The following TET2 variants were observed in gnomAD, a reference collection of about 807,000 sequenced individuals.
The protein encoded by TET2 is tet methylcytosine dioxygenase 2.
Under a neutral mutation model 142.9 loss-of-function variants are expected in TET2, and 299 were observed. That is an observed-to-expected ratio of 2.09 (90% CI 1.90 to 2.30). The LOEUF (loss-of-function observed/expected upper bound fraction) is 2.30, where lower values mean the gene tolerates loss of function less well. TET2 is among the 30% of genes most tolerant of loss of function. TET2 has a pLI of 0.00. For missense variants in TET2, 2,418 were observed against 2,378.0 expected (o/e 1.02, Z -0.35); for synonymous variants, 819 against 849.0 (o/e 0.96, Z 0.61).
chr4:105,271,473 G>A (rs1013906356), intron 9 of TET2, among the ~76,000 whole-genome samples: 4 of 152,154 alleles, frequency 2.6e-5, no homozygotes, highest in African/African-American at 4.8e-5. Flanking sequence ...TAGAGCATGG[G>A]TTCTGTGAAG....
In TET2 at chr4:105,235,565, G is replaced by T. The variant is rs778195625; in HGVS notation, c.1623G>T (p.Leu541=). ...QLMRNKEQEI[L]KGRDKEQTRD... is the part of the protein sequence containing the mutation. ...TGAGAAACAAAGAGCAAGAGATTCT[G>T]AAGGGTCGAGACAAGGAGCAAACAC... The change falls in exon 3 of 11, where the codon CTG becomes CTT. Residue 541 remains leucine (L), a synonymous_variant. Transcript: ENST00000380013. 1 of 1,614,158 alleles carries T rather than the reference G, an allele frequency of 6.2e-7. No homozygotes were observed. Among genetic ancestry groups the T allele is most frequent in the Non-Finnish European group, 8.5e-7 (1 of 1,180,022 alleles).
In TET2 at chr4:105,276,052, TCAGACAGCGAG is replaced by T; in HGVS notation, c.5547_5557del (p.Asp1849GlufsTer6). On this transcript the variant is annotated frameshift_variant, in exon 11 of 11. Transcript: ENST00000380013. LOFTEE classifies it high-confidence loss of function. ...TGCAGAGGACAACGATGAGGTCTGGTCAGACAGCGAGCAGAGCTTTCTGGATCCTGACATTG... is the reference window on the plus strand; with the variant it reads ...TGCAGAGGACAACGATGAGGTCTGGTCAGAGCTTTCTGGATCCTGACATTG... The T allele has an allele frequency of 6.4e-7, 1 of 1,551,696 alleles. No homozygotes were observed. Among genetic ancestry groups the T allele is most frequent in the Non-Finnish European group, 8.7e-7 (1 of 1,146,974 alleles).
chr4:105,216,023 CTT>C (rs1005288570), intron 2 of TET2, among the ~76,000 whole-genome samples: 1 of 152,170 alleles, frequency 6.6e-6, no homozygotes, highest in African/African-American at 2.4e-5. Context: ...TCCTTCTACT[CTT>C]TGTTCTCCCC....
Position 105,276,885 on chromosome 4 carries a change from A to G in TET2, c.*366A>G, listed in dbSNP as rs183972803. The stretch of plus-strand genomic sequence containing the variant: ...CTACACATCTGTGACCACTTTTAAT[A>G]ATATCAAGTTTGCATAGTCATGGAA... On this transcript the variant is annotated 3_prime_UTR_variant, in exon 11 of 11. Transcript: ENST00000380013. The G allele has an allele frequency of 5.2e-6, 1 of 192,700 alleles. No individual in the cohort carries two copies. The highest frequency in any genetic ancestry group is 6.2e-5 in the Admixed American group (1 of 16,148). The allele number at this position is 192,700 out of a possible 1,614,324, so 11.9% of individuals were successfully genotyped here. A position where few individuals can be genotyped will look rare whatever the true frequency, so the allele number is the denominator to read the frequency against.
rs1294967039 is a variant in TET2, at chr4:105,275,831, A to G, written c.5321A>G (p.Asn1774Ser). 5.2e-6 allele frequency: 8 copies of G among 1,551,712 alleles called. No individual in the cohort carries two copies. The highest frequency in any genetic ancestry group is 2.0e-5 in the Admixed American group (1 of 50,982). The change falls in exon 11 of 11, where the codon AAC (asparagine) becomes AGC (serine). Residue 1774 changes from asparagine to serine, a missense_variant. Physicochemically the swap from Asn to Ser is conservative, Grantham distance 46 (BLOSUM62 1). Transcript: ENST00000380013. ...HNYSAAPGMF[N>S]SSLHALHLQN... is the part of the protein sequence containing the mutation. ...TACAGTGCAGCTCCGGGCATGTTCA[A>G]CAGCTCTCTTCATGCCCTGCATCTC...
At chr4:105,207,952 ACAGTGAATTC>A (rs1238198033) in intron 2 of TET2, among the ~76,000 whole-genome samples, 1 of 152,176 alleles carries the variant, frequency 6.6e-6, no homozygotes, top group Non-Finnish European at 1.5e-5. Flanking sequence ...GGAGTGAAAG[ACAGTGAATTC>A]CATTTTGGAT....
rs534182742 is a variant in TET2 at position 105,234,665 on chromosome 4, G to A, written c.723G>A (p.Ala241=). 27 of 1,613,882 alleles carry A rather than the reference G, an allele frequency of 1.7e-5. No individual in the cohort carries two copies. Among genetic ancestry groups the A allele is most frequent in the African/African-American group, 5.3e-5 (4 of 74,878 alleles). ...SQYYPDCVSI[A]VQKTTSHINA... ...ATTATCCAGATTGTGTTTCCATTGC[G>A]GTGCAGAAAACCACATCTCACATAA... is the stretch of plus-strand genomic sequence containing the variant. Residue 241 remains alanine, a synonymous_variant, in exon 3 of 11, where the codon GCG becomes GCA. Transcript: ENST00000380013.
At chr4:105,242,017 C>A in intron 4 of TET2, 1 of 1,238,620 alleles carries the variant, frequency 8.1e-7, no homozygotes, top group Non-Finnish European at 1.0e-6. Context: ...CTCTTATGAG[C>A]GAGATAATGC....
In TET2 at chr4:105,275,310, C is replaced by T. The variant is rs571001409; in HGVS notation, c.4800C>T (p.Thr1600=). The T allele has an allele frequency of 1.3e-6, 2 of 1,552,044 alleles. No individual in the cohort carries two copies. Among genetic ancestry groups the T allele is most frequent in the Admixed American group, 2.0e-5 (1 of 51,002 alleles). ...GSTSPMNFYS[T]SSQAAGSYLN... ...CCAGCCCTATGAACTTCTATTCCAC[C>T]TCATCTCAAGCTGCAGGTTCATATT... is the stretch of plus-strand genomic sequence containing the variant. Residue 1600 remains threonine (T), a synonymous_variant, in exon 11 of 11, where the codon ACC becomes ACT. Transcript: ENST00000380013.
upstream of TET2, chr4:105,146,049 C>A (rs564382999): frequency 6.6e-6 from 1 of 152,518 alleles, no homozygotes; most frequent in Admixed American, 6.5e-5. Flanking sequence ...GCGCGGGCAA[C>A]GGGATCTAAA....
intron 2 of TET2, among the ~76,000 whole-genome samples, chr4:105,195,748 G>A (rs1042615770): frequency 1.3e-5 from 2 of 152,146 alleles, no homozygotes; most frequent in Non-Finnish European, 2.9e-5. Flanking sequence ...GTGATTGATT[G>A]AATCCACAGA....
At chr4:105,185,117 T>TTAC (rs1336980505) in intron 1 of TET2, among the ~76,000 whole-genome samples, 1 of 152,192 alleles carries the variant, frequency 6.6e-6, no homozygotes, top group Non-Finnish European at 1.5e-5. Flanking sequence ...GGTGCCTAGC[T>TTAC]TGTAATGATA....
intron 7 of TET2, 121 bp downstream of exon 7, chr4:105,259,890 G>A: frequency 2.3e-6 from 2 of 876,346 alleles, no homozygotes; most frequent in African/African-American, 1.7e-5. Flanking sequence ...TTCCCAAACT[G>A]TAGATACACA....
intron 1 of TET2, among the ~76,000 whole-genome samples, chr4:105,172,135 A>G (rs149979576): frequency 9.2e-5 from 14 of 152,194 alleles, no homozygotes; most frequent in Non-Finnish European, 1.6e-4. Flanking sequence ...TCTATTTGCA[A>G]TGCATCACAG....
chr4:105,242,309 G>C, intron 4 of TET2: 1 of 1,078,910 alleles, frequency 9.3e-7, no homozygotes, highest in Non-Finnish European at 1.1e-6. Context: ...ACAAGCAGTA[G>C]GTGGTGCTTT....
At chr4:105,205,073 A>G (rs1187720066) in intron 2 of TET2, among the ~76,000 whole-genome samples, 2 of 152,172 alleles carry the variant, frequency 1.3e-5, no homozygotes, top group African/African-American at 4.8e-5. Context: ...CTCTAGTTAT[A>G]CTATAGCTAT....
chr4:105,209,081 A>ATATATATATATC (rs1727005236), intron 2 of TET2, among the ~76,000 whole-genome samples: 1 of 103,502 alleles, frequency 9.7e-6, no homozygotes, highest in Non-Finnish European at 1.9e-5. Flanking sequence ...ATATATATAT[A>ATATATATATATC]TATATATATA....
intron 2 of TET2, among the ~76,000 whole-genome samples, chr4:105,225,060 A>T (rs1728100277): frequency 1.3e-5 from 2 of 152,034 alleles, no homozygotes; most frequent in Admixed American, 6.6e-5. Flanking sequence ...TTTTAGACTT[A>T]AAAAAATACC....
chr4:105,181,222 G>T (rs912573306), intron 1 of TET2, among the ~76,000 whole-genome samples: 1 of 152,094 alleles, frequency 6.6e-6, no homozygotes, highest in Non-Finnish European at 1.5e-5. Context: ...GTGTGTGTTT[G>T]TCTTTGTGTG....
Sources: gnomAD v4.1 joint callset for allele counts (sites outside exome capture counted in the v4.1 genomes callset) on GRCh38, gnomAD v4.1.1 for gene constraint, MANE v1.5 for transcripts, NCBI Gene and HGNC (gene_info 2026-07-23, HGNC 2026-07-21) for gene names.